ZNF500: variants seen among roughly 807,000 people sequenced by gnomAD.
The protein encoded by ZNF500 is zinc finger protein 500, also known as zinc finger protein with KRAB and SCAN domains 18.
Under a neutral mutation model 30.1 loss-of-function variants are expected in ZNF500, and 31 were observed. The ratio of observed to expected loss-of-function variants is 1.03; its 90% confidence interval spans 0.77 to 1.39. ZNF500 has a LOEUF of 1.39. Among genes scored for constraint, ZNF500 ranks in the 40% most tolerant of loss-of-function variants. The probability of loss-of-function intolerance (pLI) is 0.00; values close to 1 mark genes in which losing one functional copy is unlikely to be tolerated. For synonymous variants in ZNF500, 392 were observed against 282.0 expected (o/e 1.39, Z -3.91); for missense variants, 817 against 657.8 (o/e 1.24, Z -2.65).
rs2082054603 is a variant in ZNF500 at position 4,749,179 on chromosome 16, C to A, written c.*3197G>T. 6.5e-6 allele frequency: 1 copy of A among 154,478 alleles called. No individual in the cohort carries two copies. Among genetic ancestry groups the A allele is most frequent in the African/African-American group, 2.4e-5 (1 of 41,542 alleles). The allele number at this position is 154,478 out of a possible 1,614,324, so 9.6% of individuals were successfully genotyped here. On this transcript the variant is annotated 3_prime_UTR_variant, in exon 6 of 6. Transcript: ENST00000219478. ...CCCACCTACAGAGACCCTCCCCTGC[C>A]CCCTCCACTCCGGGGCCTGTGCCGC...
intron 4 of ZNF500, 53 bp downstream of exon 4, chr16:4,762,218 C>G: frequency 6.3e-7 from 1 of 1,583,014 alleles, no homozygotes; most frequent in Non-Finnish European, 8.6e-7. Context: ...GTGTGACACA[C>G]AGGAGGTCGG....
At chr16:4,747,641 G>A, downstream of ZNF500, 1 of 1,592,560 alleles carries the variant, frequency 6.3e-7, no homozygotes, top group Non-Finnish European at 8.6e-7. Context: ...TCAGGTAGTG[G>A]GATCCCAGGA....
intron 3 of ZNF500, 74 bp from the exon 4 acceptor site, chr16:4,762,409 G>T: frequency 6.5e-7 from 1 of 1,529,226 alleles, no homozygotes; most frequent in Non-Finnish European, 8.8e-7. Flanking sequence ...GCACACCAAG[G>T]CCCCAACAGC....
Position 4,752,237 on chromosome 16 carries a change from A to G in ZNF500, c.*139T>C. On this transcript the variant is annotated 3_prime_UTR_variant, in exon 6 of 6. Transcript: ENST00000219478. The stretch of plus-strand genomic sequence containing the variant: ...CTTCCTCTGCGGCCTGGGCATCCCA[A>G]ATGTCCCCTGCTGGCCTCATACTGG... 1 of 1,422,962 alleles carries G rather than the reference A, an allele frequency of 7.0e-7. No homozygotes were observed. The highest frequency in any genetic ancestry group is 2.5e-5 in the East Asian group (1 of 39,744). 88.1% of individuals were successfully genotyped at this position (1,422,962 alleles called of 1,614,324 possible).
In ZNF500 at chr16:4,753,002, T is replaced by C; in HGVS notation, c.817A>G (p.Met273Val). ...GCCGAGAGCACTCGGTACCACTCCA[T>C]TCTCAACGGGGCATCCTCCCTGCCA... is the stretch of plus-strand genomic sequence containing the variant. ...GDGREDAPLR[M>V]EWYRVLSARC... Residue 273 changes from methionine (M) to valine (V), a missense_variant, in exon 6 of 6, where the codon ATG becomes GTG. By Grantham distance (21) the Met-to-Val change is conservative. Transcript: ENST00000219478. 1.3e-6 allele frequency: 2 copies of C among 1,574,786 alleles called. No homozygotes were observed. Among genetic ancestry groups the C allele is most frequent in the Non-Finnish European group, 1.7e-6 (2 of 1,160,660 alleles).
At chr16:4,765,544 G>T (rs1309817692) in intron 2 of ZNF500, 21 bp downstream of exon 2, 1 of 1,563,048 alleles carries the variant, frequency 6.4e-7, no homozygotes. Context: ...CTCACCTGAG[G>T]GTCAAAATGC....
chr16:4,753,436 C>T (rs573030026), intron 5 of ZNF500, among the ~76,000 whole-genome samples: 4 of 152,276 alleles, frequency 2.6e-5, no homozygotes, highest in African/African-American at 9.6e-5. Context: ...CATTCCAGCC[C>T]GGGTGACGGC....
chr16:4,746,477 G>A (rs2082019028), downstream of ZNF500: 1 of 1,613,748 alleles, frequency 6.2e-7, no homozygotes, highest in East Asian at 2.2e-5. Flanking sequence ...TTGACCTGCG[G>A]CAGATGGAGC....
intron 5 of ZNF500, among the ~76,000 whole-genome samples, chr16:4,754,965 G>A (rs544791026): frequency 3.9e-4 from 60 of 152,218 alleles, no homozygotes; most frequent in African/African-American, 1.3e-3. Flanking sequence ...TTAAAAGTGA[G>A]CGGCACCTCC....
At chr16:4,755,386 C>G (rs372576611) in intron 5 of ZNF500, among the ~76,000 whole-genome samples, 1 of 152,090 alleles carries the variant, frequency 6.6e-6, no homozygotes. Flanking sequence ...GTGTGATCTC[C>G]GCTCACTGTA....
chr16:4,748,200 C>T (rs2341987), downstream of ZNF500: 90,332 of 149,078 alleles, frequency 0.61, 27,849 homozygotes, highest in East Asian at 0.67. Context: ...TACAGGTGCA[C>T]ACCACCATGT....
At position 4,752,116 on chromosome 16, in the gene ZNF500, T is replaced by G. The variant is rs866611573; in HGVS notation, c.*260A>C. On this transcript the variant is annotated 3_prime_UTR_variant, in exon 6 of 6. Coordinates refer to ENST00000219478, the MANE Select transcript of ZNF500 (RefSeq NM_021646.4). ...GTCGGCTTCTGGCCTCCTGAGTGTGTCTCTGTGGCTGAAGCCCCTGCTCTG... is the reference window on the plus strand; with the variant it reads ...GTCGGCTTCTGGCCTCCTGAGTGTGGCTCTGTGGCTGAAGCCCCTGCTCTG... 9.7e-6 allele frequency: 13 copies of G among 1,339,908 alleles called. No homozygotes were observed. The Middle Eastern group carries it at 1.4e-3, about 143-fold the overall frequency. 83.0% of individuals were successfully genotyped at this position (1,339,908 alleles called of 1,614,324 possible). A position where few individuals can be genotyped will look rare whatever the true frequency, so the allele number is the denominator to read the frequency against.
intron 5 of ZNF500, among the ~76,000 whole-genome samples, chr16:4,759,302 G>C (rs1471770038): frequency 6.6e-6 from 1 of 151,840 alleles, no homozygotes; most frequent in Non-Finnish European, 1.5e-5. Flanking sequence ...GGGTGCATGA[G>C]ATGGTGCAGA....
chr16:4,763,562 C>G (rs560393236), intron 2 of ZNF500: 470 of 985,374 alleles, frequency 4.8e-4, no homozygotes, highest in Non-Finnish European at 5.3e-4. Flanking sequence ...ACTACAAACC[C>G]AGCGTCAGGG....
chr16:4,759,685 G>T (rs1470490603), intron 5 of ZNF500, among the ~76,000 whole-genome samples: 1 of 152,080 alleles, frequency 6.6e-6, no homozygotes, highest in African/African-American at 2.4e-5. Flanking sequence ...TCTTCTGTTG[G>T]TTCTGTTTCT....
At chr16:4,757,737 G>C (rs1437284186) in intron 5 of ZNF500, among the ~76,000 whole-genome samples, 1 of 151,506 alleles carries the variant, frequency 6.6e-6, no homozygotes, top group Non-Finnish European at 1.5e-5. Context: ...CGAGTACCTG[G>C]GACTACAGAT....
chr16:4,765,577 T>C lies in ZNF500; in HGVS notation c.402A>G (p.Lys134=). The stretch of plus-strand genomic sequence containing the variant: ...TGCCCCCACTCACCCGCTGCCTGTG[T>C]TTCCTGGGCTTCCGCTGCAGCCCTT... ...LVEGLQRKPR[K]HRQRGSELLS... is the part of the protein sequence containing the mutation. Residue 134 remains lysine, a synonymous_variant, in exon 2 of 6, where the codon AAA becomes AAG. Coordinates refer to ENST00000219478, the MANE Select transcript of ZNF500 (RefSeq NM_021646.4). The C allele has an allele frequency of 6.3e-7, 1 of 1,597,446 alleles. No individual in the cohort carries two copies. Among genetic ancestry groups the C allele is most frequent in the Non-Finnish European group, 8.5e-7 (1 of 1,170,212 alleles).
At chr16:4,753,135 G>A (rs754314340) in intron 5 of ZNF500, 77 bp from the exon 6 acceptor site, 108 of 1,480,662 alleles carry the variant, frequency 7.3e-5, no homozygotes, top group Non-Finnish European at 9.0e-5. Flanking sequence ...GAAAATGAAG[G>A]CCTCACAGGG....
intron 1 of ZNF500, among the ~76,000 whole-genome samples, chr16:4,766,635 G>T (rs2082267659): frequency 6.6e-6 from 1 of 152,110 alleles, no homozygotes; most frequent in Non-Finnish European, 1.5e-5. Flanking sequence ...AATCTAAAAG[G>T]GATGTTTGCG....
Sources: allele counts gnomAD v4.1 joint callset (sites outside exome capture counted in the v4.1 genomes callset), GRCh38; gene constraint gnomAD v4.1.1; transcripts MANE v1.5; gene names NCBI Gene and HGNC (gene_info 2026-07-23, HGNC 2026-07-21).